Variants in ATP10B observed in about 807,000 individuals in gnomAD.
The protein encoded by ATP10B is ATPase phospholipid transporting 10B (putative).
ATP10B carries 122 observed loss-of-function variants against 141.2 expected under a neutral mutation model. The ratio of observed to expected loss-of-function variants is 0.86; its 90% CI spans 0.75 to 1.00. The LOEUF is 1.00. ATP10B is among the 50% of genes least tolerant of loss of function. The pLI, the probability that ATP10B is intolerant of heterozygous loss-of-function variation, is 0.00. For synonymous variants in ATP10B, 685 were observed against 692.0 expected, an observed-to-expected ratio of 0.99 and a Z score of 0.16; for missense variants, 1,876 against 1,825.3, an observed-to-expected ratio of 1.03 and a Z score of -0.51.
the ATP10B span, among the ~76,000 whole-genome samples, chr5:160,921,128 T>G: frequency 6.6e-6 from 1 of 152,130 alleles, no homozygotes; most frequent in East Asian, 1.9e-4. Flanking sequence ...TCATTCTTCC[T>G]CTACAGGATC....
At chr5:160,797,076 G>A (rs1440677475) in intron 1 of ATP10B, among the ~76,000 whole-genome samples, 6 of 152,118 alleles carry the variant, frequency 3.9e-5, no homozygotes, top group Admixed American at 6.5e-5. Context: ...TTGTCAGGGG[G>A]TTTCAGAACT....
At chr5:160,761,200 A>T (rs1212261599) in intron 2 of ATP10B, among the ~76,000 whole-genome samples, 1 of 152,212 alleles carries the variant, frequency 6.6e-6, no homozygotes, top group Non-Finnish European at 1.5e-5. Context: ...GGTCCTGAGT[A>T]TGTCCACATG....
At chr5:160,782,012 G>T (rs547512452) in intron 2 of ATP10B, among the ~76,000 whole-genome samples, 2 of 152,104 alleles carry the variant, frequency 1.3e-5, no homozygotes, top group Non-Finnish European at 2.9e-5. Flanking sequence ...ATTGCTGTGG[G>T]ATAGAAAGTA....
At chr5:160,865,766 G>C in the ATP10B span, among the ~76,000 whole-genome samples, 1 of 152,012 alleles carries the variant, frequency 6.6e-6, no homozygotes, top group East Asian at 1.9e-4. Context: ...GACGTGAATA[G>C]ACAATTCTCA....
the ATP10B span, among the ~76,000 whole-genome samples, chr5:160,908,436 A>C: frequency 6.6e-6 from 1 of 152,216 alleles, no homozygotes; most frequent in Non-Finnish European, 1.5e-5. Flanking sequence ...AAGACTATGG[A>C]TTCAAACTAT....
intron 24 of ATP10B, among the ~76,000 whole-genome samples, chr5:160,589,366 T>C (rs546708948): frequency 6.6e-6 from 1 of 152,340 alleles, no homozygotes; most frequent in South Asian, 2.1e-4. Context: ...GTCTCATTGT[T>C]TTAATATATG....
chr5:160,854,780 T>C (rs1753957003), upstream of ATP10B, among the ~76,000 whole-genome samples: 1 of 152,136 alleles, frequency 6.6e-6, no homozygotes, highest in African/African-American at 2.4e-5. Context: ...ACACTCCCTA[T>C]TGGTGCTAAT....
At chr5:160,706,360 G>C (rs540575023) in intron 3 of ATP10B, among the ~76,000 whole-genome samples, 1 of 152,302 alleles carries the variant, frequency 6.6e-6, no homozygotes, top group South Asian at 2.1e-4. Flanking sequence ...ATGAAGTGAA[G>C]AGCAATGAAA....
rs1240872968 is a variant in ATP10B, at chr5:160,598,760, A to T, written c.3564+10T>A. 3.7e-6 allele frequency: 6 copies of T among 1,613,648 alleles called. No homozygotes were observed. The highest frequency in any genetic ancestry group is 5.1e-6 in the Non-Finnish European group (6 of 1,179,774). ...GAAGTCACCTCCCTTTGGCTGCCCG[A>T]TCTCCTTACCTCAGAGTTCTGGCCA... On this transcript the variant is annotated intron_variant, in intron 22 of 25. Transcript: ENST00000327245.
chr5:160,812,413 T>C (rs1197781859), intron 1 of ATP10B, among the ~76,000 whole-genome samples: 1 of 118,262 alleles, frequency 8.5e-6, no homozygotes, highest in African/African-American at 2.8e-5. Context: ...CTAAATAAGG[T>C]ACCAGGGACC....
At chr5:160,612,359 CAGTTCTAGACTT>C (rs1237152637) in intron 18 of ATP10B, 7 of 158,646 alleles carry the variant, frequency 4.4e-5, no homozygotes, top group Non-Finnish European at 8.3e-5. Context: ...AGCACTAGCT[CAGTTCTAGACTT>C]AGTTCTACCT....
chr5:160,599,770 C>T (rs4921307), intron 21 of ATP10B, among the ~76,000 whole-genome samples: 110,886 of 152,072 alleles, frequency 0.73, 41,076 homozygotes, highest in East Asian at 0.84. Context: ...TGTGGGTGGG[C>T]TGGGTCACTG....
At chr5:160,793,203 ATT>A (rs33964416) in intron 1 of ATP10B, among the ~76,000 whole-genome samples, 3 of 146,834 alleles carry the variant, frequency 2.0e-5, no homozygotes, top group Non-Finnish European at 1.5e-5. Flanking sequence ...TCAAAGTTCC[ATT>A]TTTTTTTTTT....
chr5:160,611,872 C>CT (rs1399389586), intron 18 of ATP10B: 2 of 152,234 alleles, frequency 1.3e-5, no homozygotes, highest in African/African-American at 4.8e-5. Flanking sequence ...TCCATGGAAT[C>CT]CAACCCCTGC....
intron 1 of ATP10B, among the ~76,000 whole-genome samples, chr5:160,816,137 G>A (rs1284901690): frequency 1.3e-5 from 2 of 148,898 alleles, no homozygotes; most frequent in South Asian, 2.2e-4. Context: ...TCAAAAGCTA[G>A]CAGAAGGCAA....
chr5:160,749,552 TC>T (rs1162280024), intron 2 of ATP10B, among the ~76,000 whole-genome samples: 33 of 152,282 alleles, frequency 2.2e-4, no homozygotes, highest in African/African-American at 7.7e-4. Flanking sequence ...ACTGTCACTA[TC>T]ATCCCTCCAA....
chr5:160,622,593 A>G lies in ATP10B; in HGVS notation c.1621-8T>C. ...TGGAGTTACATCTTTTTCCTGGAAG[A>G]GAAAGGCCAGAATGAGAGTCTTTTC... is the stretch of plus-strand genomic sequence containing the variant. On this transcript the variant is annotated splice_polypyrimidine_tract_variant and splice_region_variant and intron_variant, in intron 13 of 25. Transcript: ENST00000327245. The G allele has an allele frequency of 6.2e-7, 1 of 1,607,790 alleles. No homozygotes were observed. Among genetic ancestry groups the G allele is most frequent in the Non-Finnish European group, 8.5e-7 (1 of 1,176,692 alleles).
At chr5:160,591,526 C>T (rs770951154) in intron 22 of ATP10B, among the ~76,000 whole-genome samples, 18 of 152,154 alleles carry the variant, frequency 1.2e-4, no homozygotes, top group Non-Finnish European at 2.2e-4. Flanking sequence ...GCTACTGTTG[C>T]TACAAACCTG....
intron 1 of ATP10B, among the ~76,000 whole-genome samples, chr5:160,798,029 C>T (rs1772086988): frequency 6.6e-6 from 1 of 150,588 alleles, no homozygotes; most frequent in Non-Finnish European, 1.5e-5. Flanking sequence ...ATAAGGTGGG[C>T]AAGGGAAGGT....
Sources: allele counts gnomAD v4.1 joint callset (sites outside exome capture counted in the v4.1 genomes callset), GRCh38; gene constraint gnomAD v4.1.1; transcripts MANE v1.5; gene names NCBI Gene and HGNC (gene_info 2026-07-23, HGNC 2026-07-21).